Variants in KCNIP2 observed in about 807,000 individuals in gnomAD.
The protein encoded by KCNIP2 is potassium voltage-gated channel interacting protein 2.
A neutral mutation model predicts 39.0 loss-of-function variants in KCNIP2; 19 were observed. That is an observed-to-expected ratio of 0.49 (90% CI 0.34 to 0.71). KCNIP2 has a LOEUF of 0.71. Among genes scored for constraint, KCNIP2 ranks in the 30% least tolerant of loss-of-function variants. The probability of loss-of-function intolerance (pLI) is 0.01; values close to 1 mark genes in which losing one functional copy is unlikely to be tolerated. For synonymous variants in KCNIP2, 111 were observed against 131.2 expected (o/e 0.85, Z 1.05); for missense variants, 261 against 346.0 (o/e 0.75, Z 1.95).
In KCNIP2 at chr10:101,838,225, T is replaced by G. The variant is rs149456249; in HGVS notation, c.73+5271A>C. On this transcript the variant is annotated intron_variant, in intron 1 of 9. Transcript: ENST00000356640. This position sits in a 1 kb window ranked among gnomAD's most constrained non-coding sequence, Gnocchi z 4.0. ...AAAGTAAAATCTCTGTGGAAGCAAT[T>G]TGGCAGAGTGGGAACTCAAGGGAAA... 6.6e-6 allele frequency among the ~76,000 whole-genome samples: 1 copy of G among 152,346 alleles called. No individual in the cohort carries two copies. The highest frequency in any genetic ancestry group is 2.4e-5 in the African/African-American group (1 of 41,578).
chr10:101,828,401 C>T lies in KCNIP2; in HGVS notation c.477G>A (p.Ser159=), dbSNP rs201180498. 139 of 1,613,994 alleles carry T rather than the reference C, an allele frequency of 8.6e-5. 1 individual carries two copies. Among genetic ancestry groups the T allele is most frequent in the Admixed American group, 1.5e-4 (9 of 60,002 alleles). Residue 159 remains serine, a synonymous_variant, in exon 6 of 10, where the codon TCG becomes TCA. Coordinates refer to ENST00000356640, the MANE Select transcript of KCNIP2 (RefSeq NM_173191.3). The surrounding 1 kb of genome is among the most constrained non-coding windows in gnomAD (Gnocchi z 6.6). ...FNAFDTNHDG[S]VSFEDFVAGL... is the part of the protein sequence containing the mutation. Reference sequence around the variant, plus strand: ...TCGCCCAGCTCACCTCAAAACTGACCGAGCCATCATGGTTGGTGTCAAAGG... The same window carrying T: ...TCGCCCAGCTCACCTCAAAACTGACTGAGCCATCATGGTTGGTGTCAAAGG...
chr10:101,841,905 A>G (rs2066349048), intron 1 of KCNIP2, among the ~76,000 whole-genome samples: 2 of 152,230 alleles, frequency 1.3e-5, no homozygotes, highest in Non-Finnish European at 2.9e-5. Context: ...TGGGAACAGA[A>G]TTCATGGAAG....
Position 101,827,204 on chromosome 10 carries a change from T to C in KCNIP2, c.*149A>G. ...TCTGGCCCCTTCAGCTCCAGAGATC[T>C]GGACTACTGAATCCCCAAGCTCTTG... On this transcript the variant is annotated 3_prime_UTR_variant, in exon 10 of 10. Transcript: ENST00000356640. 7.4e-7 allele frequency: 1 copy of C among 1,354,120 alleles called. No homozygotes were observed. 83.9% of individuals were successfully genotyped at this position (1,354,120 alleles called of 1,614,324 possible). A position where few individuals can be genotyped will look rare whatever the true frequency, so the allele number is the denominator to read the frequency against.
At position 101,827,161 on chromosome 10, in the gene KCNIP2, G is replaced by A; in HGVS notation, c.*192C>T. ...GGTGGGAGTTGGGAACACCCCCCGA[G>A]ATGCACTCTGCCCACTCTCTGGCCC... On this transcript the variant is annotated 3_prime_UTR_variant, in exon 10 of 10. Coordinates refer to ENST00000356640, the MANE Select transcript of KCNIP2 (RefSeq NM_173191.3). The A allele has an allele frequency of 7.8e-7, 1 of 1,285,172 alleles. No individual in the cohort carries two copies. Among genetic ancestry groups the A allele is most frequent in the Non-Finnish European group, 9.9e-7 (1 of 1,008,276 alleles). The allele number at this position is 1,285,172 out of a possible 1,614,324, so 79.6% of individuals were successfully genotyped here.
At chr10:101,840,059 G>GT (rs1253089034) in intron 1 of KCNIP2, among the ~76,000 whole-genome samples, 1 of 47,866 alleles carries the variant, frequency 2.1e-5, no homozygotes, top group Non-Finnish European at 5.1e-5. Flanking sequence ...TTCCTGGACG[G>GT]GGGGGGGGGG....
chr10:101,830,950 C>T (rs2065970143), intron 2 of KCNIP2, 122 bp downstream of exon 2: 1 of 917,794 alleles, frequency 1.1e-6, no homozygotes, highest in Non-Finnish European at 1.7e-6. Context: ...CACGCCCCCC[C>T]ACACATGCAG....
intron 3 of KCNIP2, chr10:101,829,412 G>GGCCCC (rs2065878712): frequency 1.7e-6 from 1 of 587,668 alleles, no homozygotes; most frequent in Admixed American, 3.7e-5. Context: ...GGCCTGGCCT[G>GGCCCC]GCCCCAGAGC....
At position 101,827,899 on chromosome 10, in the gene KCNIP2, C is replaced by T. The variant is rs746575299; in HGVS notation, c.692G>A (p.Ser231Asn). Residue 231 changes from serine (S) to asparagine (N), a missense_variant, in exon 8 of 10, where the codon AGC becomes AAC. Coordinates refer to ENST00000356640, the MANE Select transcript of KCNIP2 (RefSeq NM_173191.3). Reference protein sequence around the residue: ...REEAPREHVESFFQKMDRNKD... With the variant: ...REEAPREHVENFFQKMDRNKD... The stretch of plus-strand genomic sequence containing the variant: ...CCCACTCCCAAGTACCTGGAAGAAG[C>T]TCTCCACGTGTTCCCTTGGGGCCTC... 1.2e-6 allele frequency: 2 copies of T among 1,613,188 alleles called. No homozygotes were observed. Among genetic ancestry groups the T allele is most frequent in the Non-Finnish European group, 1.7e-6 (2 of 1,179,116 alleles).
At chr10:101,835,166 G>A (rs913640026) in intron 1 of KCNIP2, among the ~76,000 whole-genome samples, 1 of 152,140 alleles carries the variant, frequency 6.6e-6, no homozygotes, top group Non-Finnish European at 1.5e-5. Flanking sequence ...TGGGTCTACT[G>A]TTTTGTCATT....
intron 2 of KCNIP2, chr10:101,830,327 A>G: frequency 8.8e-7 from 1 of 1,133,336 alleles, no homozygotes; most frequent in Non-Finnish European, 1.2e-6. Flanking sequence ...GCCATCCTCT[A>G]CACCTGTCAC....
intron 1 of KCNIP2, chr10:101,834,351 C>T (rs1173408251): frequency 2.5e-6 from 1 of 399,164 alleles, no homozygotes; most frequent in Non-Finnish European, 4.4e-6. Context: ...GCAACCATCT[C>T]CAGCCCTTCC....
In KCNIP2 at chr10:101,843,443, C is replaced by G; in HGVS notation, c.73+53G>C. On this transcript the variant is annotated intron_variant, in intron 1 of 9. Coordinates refer to ENST00000356640, the MANE Select transcript of KCNIP2 (RefSeq NM_173191.3). This position sits in a 1 kb window ranked among gnomAD's most constrained non-coding sequence, Gnocchi z 6.7. ...GCCGGGGTCGGAGAGGCGGAAGGGTCTGGAGGAATGGAATCCACCCTCCCT... is the reference window on the plus strand; with the variant it reads ...GCCGGGGTCGGAGAGGCGGAAGGGTGTGGAGGAATGGAATCCACCCTCCCT... The G allele has an allele frequency of 7.9e-7, 1 of 1,270,548 alleles. No homozygotes were observed. The highest frequency in any genetic ancestry group is 1.5e-5 in the African/African-American group (1 of 64,666). The allele number at this position is 1,270,548 out of a possible 1,614,324, so 78.7% of individuals were successfully genotyped here.
chr10:101,834,492 TC>T (rs1216052493), intron 1 of KCNIP2: 2 of 396,586 alleles, frequency 5.0e-6, no homozygotes, highest in African/African-American at 4.1e-5. Context: ...CCTCCCACTC[TC>T]CCTCCCAGGA....
chr10:101,840,058 G>GGC (rs775810929), intron 1 of KCNIP2, among the ~76,000 whole-genome samples: 1 of 3,572 alleles, frequency 2.8e-4, no homozygotes, highest in African/African-American at 1.3e-3. Context: ...GTTCCTGGAC[G>GGC]GGGGGGGGGG....
chr10:101,836,274 CTT>C (rs976487755), intron 1 of KCNIP2, among the ~76,000 whole-genome samples: 12 of 124,650 alleles, frequency 9.6e-5, no homozygotes, highest in East Asian at 2.2e-4. Flanking sequence ...TTTTTTTTCT[CTT>C]TTTTTTTTTT....
At position 101,828,434 on chromosome 10, in the gene KCNIP2, G is replaced by C; in HGVS notation, c.444C>G (p.Leu148=). Residue 148 remains leucine, a synonymous_variant, in exon 6 of 10, where the codon CTC becomes CTG. Coordinates refer to ENST00000356640, the MANE Select transcript of KCNIP2 (RefSeq NM_173191.3). This position sits in a 1 kb window ranked among gnomAD's most constrained non-coding sequence, Gnocchi z 6.6. Reference sequence around the variant, plus strand: ...CATGGTTGGTGTCAAAGGCATTGAAGAGAAAAGTGGCATAGGTGCTGGAGT... The same window carrying C: ...CATGGTTGGTGTCAAAGGCATTGAACAGAAAAGTGGCATAGGTGCTGGAGT... ...QGDSSTYATF[L]FNAFDTNHDG... is the part of the protein sequence containing the mutation. 3 of 1,614,118 alleles carry C rather than the reference G, an allele frequency of 1.9e-6. No individual in the cohort carries two copies. The highest frequency in any genetic ancestry group is 2.5e-6 in the Non-Finnish European group (3 of 1,180,030).
chr10:101,837,961 C>T (rs1280523825), intron 1 of KCNIP2, among the ~76,000 whole-genome samples: 1 of 152,256 alleles, frequency 6.6e-6, no homozygotes, highest in African/African-American at 2.4e-5. Context: ...CCTGGCCCCT[C>T]CTTTTCCTAA....
chr10:101,827,687 A>G lies in KCNIP2; in HGVS notation c.765+2T>C. ...GGTAATGTAGAGGGCAGGGAGCTGT[A>G]CCTTTTGACAAGACTCAATGAATTC... is the stretch of plus-strand genomic sequence containing the variant. On this transcript the variant is annotated splice_donor_variant, in intron 9 of 9. Coordinates refer to ENST00000356640, the MANE Select transcript of KCNIP2 (RefSeq NM_173191.3). LOFTEE classifies it high-confidence loss of function. 1.2e-6 allele frequency: 2 copies of G among 1,614,022 alleles called. No homozygotes were observed. Among genetic ancestry groups the G allele is most frequent in the Non-Finnish European group, 1.7e-6 (2 of 1,179,910 alleles).
At chr10:101,833,329 G>A (rs2066052735) in intron 1 of KCNIP2, among the ~76,000 whole-genome samples, 1 of 152,130 alleles carries the variant, frequency 6.6e-6, no homozygotes, top group Non-Finnish European at 1.5e-5. Flanking sequence ...CTGGGGAGGG[G>A]AGTTGATTTT....
Sources: allele counts gnomAD v4.1 joint callset (sites outside exome capture counted in the v4.1 genomes callset), GRCh38; gene constraint gnomAD v4.1.1; non-coding constraint Gnocchi (gnomAD v3.1); transcripts MANE v1.5; gene names NCBI Gene and HGNC (gene_info 2026-07-23, HGNC 2026-07-21).